The following NR3C2 variants were observed in gnomAD, a reference collection of about 807,000 sequenced individuals.
NR3C2 encodes the protein nuclear receptor subfamily 3 group C member 2.
A neutral mutation model predicts 86.4 loss-of-function variants in NR3C2; 15 were observed. The observed-to-expected ratio is 0.17, with a 90% CI of 0.12 to 0.27. NR3C2 has a LOEUF of 0.27. Among genes scored for constraint, NR3C2 ranks in the 10% least tolerant of loss-of-function variants. The pLI, the probability that NR3C2 is intolerant of heterozygous loss-of-function variation, is 1.00. For missense variants in NR3C2, 960 were observed against 1,195.6 expected, an observed-to-expected ratio of 0.80 and a Z score of 2.91; for synonymous variants, 458 against 450.5, an observed-to-expected ratio of 1.02 and a Z score of -0.21.
intron 2 of NR3C2, among the ~76,000 whole-genome samples, chr4:148,306,994 ATATCT>A (rs1348320575): frequency 1.3e-5 from 2 of 152,192 alleles, no homozygotes; most frequent in South Asian, 2.1e-4. Context: ...TTACATCTTA[ATATCT>A]TAGCATAGTA....
chr4:148,133,193 CAAA>C (rs372452845), intron 6 of NR3C2, among the ~76,000 whole-genome samples: 13 of 97,160 alleles, frequency 1.3e-4, no homozygotes, highest in Middle Eastern at 5.0e-3. Context: ...GAACCTGTCT[CAAA>C]AAAAAAAAAA....
At position 148,435,387 on chromosome 4, in the gene NR3C2, C is replaced by T. The variant is rs1387044235; in HGVS notation, c.1474G>A (p.Gly492Ser). The T allele has an allele frequency of 1.2e-6, 2 of 1,614,020 alleles. No homozygotes were observed. Among genetic ancestry groups the T allele is most frequent in the East Asian group, 2.2e-5 (1 of 44,882 alleles). ...GNCEGSGFPV[G>S]IKQEPDDGSY... Reference sequence around the variant, plus strand: ...CCATCATCTGGTTCTTGTTTAATACCCACTGGGAATCCGCTGCCTTCACAG... The same window carrying T: ...CCATCATCTGGTTCTTGTTTAATACTCACTGGGAATCCGCTGCCTTCACAG... The change falls in exon 2 of 9, where the codon GGT (glycine) becomes AGT (serine). Residue 492 changes from glycine to serine, a missense_variant. Around this residue, in one of 4 missense-constraint regions of NR3C2, gnomAD observed 680 missense variants for 719.0 expected, o/e 0.95. Coordinates refer to ENST00000358102, the MANE Select transcript of NR3C2 (RefSeq NM_000901.5).
chr4:148,358,064 G>C (rs1391372536), intron 2 of NR3C2, among the ~76,000 whole-genome samples: 3 of 152,070 alleles, frequency 2.0e-5, no homozygotes, highest in East Asian at 1.9e-4. Context: ...TCAGTGTGGC[G>C]ATTCCTCAGG....
chr4:148,372,514 C>A (rs1190093710), intron 2 of NR3C2, among the ~76,000 whole-genome samples: 1 of 151,520 alleles, frequency 6.6e-6, no homozygotes, highest in African/African-American at 2.4e-5. Context: ...AAAAAAAAAA[C>A]CCACTCAAAT....
At chr4:148,319,593 G>C (rs7678106) in intron 2 of NR3C2, among the ~76,000 whole-genome samples, 31 of 146,300 alleles carry the variant, frequency 2.1e-4, no homozygotes, top group Non-Finnish European at 4.1e-4. Flanking sequence ...GGTCCTTCAC[G>C]TCCCTTGTAA....
chr4:148,175,432 C>T (rs1325699592), intron 4 of NR3C2, among the ~76,000 whole-genome samples: 1 of 152,182 alleles, frequency 6.6e-6, no homozygotes, highest in Non-Finnish European at 1.5e-5. Flanking sequence ...GCAGTGAGAA[C>T]TGTTCAACAG....
At position 148,323,553 on chromosome 4, in the gene NR3C2, C is replaced by T. The variant is rs867607946; in HGVS notation, c.1758-63436G>A. ...GAGACTCCGTGAGTGTAGGACCCTC[C>T]GAGCCAGGTGCGGGACATAATCTCG... On this transcript the variant is annotated intron_variant, in intron 2 of 8. Coordinates refer to ENST00000358102, the MANE Select transcript of NR3C2 (RefSeq NM_000901.5). Among the ~76,000 whole-genome samples, 38 of 151,750 alleles carry T rather than the reference C, an allele frequency of 2.5e-4. 1 individual carries two copies. Among genetic ancestry groups the T allele is most frequent in the Admixed American group, 1.5e-3 (23 of 15,238 alleles).
At chr4:148,211,823 A>G (rs1023806382) in intron 3 of NR3C2, among the ~76,000 whole-genome samples, 3 of 152,194 alleles carry the variant, frequency 2.0e-5, no homozygotes, top group African/African-American at 7.2e-5. Flanking sequence ...GACTGATCCA[A>G]TCATTTTCTG....
chr4:148,096,946 A>G (rs948165121), intron 8 of NR3C2, among the ~76,000 whole-genome samples: 2 of 152,222 alleles, frequency 1.3e-5, no homozygotes, highest in Non-Finnish European at 2.9e-5. Flanking sequence ...CTTTTGAACG[A>G]ACAGGTTTTG....
chr4:148,360,810 T>A (rs1342273303), intron 2 of NR3C2, among the ~76,000 whole-genome samples: 1 of 152,182 alleles, frequency 6.6e-6, no homozygotes, highest in Non-Finnish European at 1.5e-5. Flanking sequence ...TCATCTTAAT[T>A]ATATAATGCT....
At chr4:148,380,075 T>C (rs1284804686) in intron 2 of NR3C2, among the ~76,000 whole-genome samples, 1 of 152,232 alleles carries the variant, frequency 6.6e-6, no homozygotes, top group Non-Finnish European at 1.5e-5. Flanking sequence ...TTTTTTGTTT[T>C]TTATTGAGAT....
chr4:148,135,752 G>T (rs966602820), intron 6 of NR3C2, among the ~76,000 whole-genome samples: 8 of 151,768 alleles, frequency 5.3e-5, no homozygotes, highest in African/African-American at 1.9e-4. Flanking sequence ...AGTTCATACT[G>T]AAGTTTAAAA....
chr4:148,281,224 C>T (rs1262630609), intron 2 of NR3C2, among the ~76,000 whole-genome samples: 5 of 152,142 alleles, frequency 3.3e-5, no homozygotes, highest in Admixed American at 6.5e-5. Context: ...GGGGAAAAAG[C>T]GGGTGAAAGA....
At chr4:148,341,677 C>T (rs1231078062) in intron 2 of NR3C2, among the ~76,000 whole-genome samples, 1 of 152,014 alleles carries the variant, frequency 6.6e-6, no homozygotes, top group East Asian at 1.9e-4. Flanking sequence ...TTGATCATTA[C>T]ACATTGTATG....
Position 148,322,255 on chromosome 4 carries a change from G to T in NR3C2, c.1758-62138C>A, listed in dbSNP as rs1211343517. Among the ~76,000 whole-genome samples the T allele has an allele frequency of 4.0e-5, 6 of 149,966 alleles. No individual in the cohort carries two copies. In the East Asian group the frequency reaches 9.8e-4, roughly 25 times the overall value. ...GTTTCTGCTGAGAGATCCGCTGTTA[G>T]TCTGATGGGCTTCCCTTTGAGGGTA... On this transcript the variant is annotated intron_variant, in intron 2 of 8. Coordinates refer to ENST00000358102, the MANE Select transcript of NR3C2 (RefSeq NM_000901.5).
At chr4:148,374,247 T>C (rs1561071283) in intron 2 of NR3C2, among the ~76,000 whole-genome samples, 1 of 152,226 alleles carries the variant, frequency 6.6e-6, no homozygotes, top group Admixed American at 6.5e-5. Flanking sequence ...CTACATTCTT[T>C]GAATATAAAT....
intron 4 of NR3C2, among the ~76,000 whole-genome samples, chr4:148,160,999 CCTT>C (rs1434529443): frequency 6.6e-6 from 1 of 152,158 alleles, no homozygotes; most frequent in Non-Finnish European, 1.5e-5. Context: ...GCAATGTCAT[CCTT>C]CTATAGGGTT....
chr4:148,229,332 T>G (rs1342206026), intron 3 of NR3C2, among the ~76,000 whole-genome samples: 1 of 152,144 alleles, frequency 6.6e-6, no homozygotes, highest in Non-Finnish European at 1.5e-5. Context: ...AACCCCCTCT[T>G]TCTTCGCTGA....
intron 3 of NR3C2, among the ~76,000 whole-genome samples, chr4:148,211,686 G>C (rs531459724): frequency 2.6e-4 from 40 of 151,938 alleles, no homozygotes; most frequent in Non-Finnish European, 4.6e-4. Flanking sequence ...CCTCTATGAA[G>C]CAGGATGGAG....
Sources: gnomAD v4.1 joint callset for allele counts (sites outside exome capture counted in the v4.1 genomes callset) on GRCh38, gnomAD v4.1.1 for gene constraint, gnomAD v4.1.1 regional missense constraint, MANE v1.5 for transcripts, NCBI Gene and HGNC (gene_info 2026-07-23, HGNC 2026-07-21) for gene names.